Variants in EPB41L2 observed in about 807,000 individuals in gnomAD.
The protein encoded by EPB41L2 is erythrocyte membrane protein band 4.1 like 2.
EPB41L2 carries 43 observed loss-of-function variants against 113.0 expected under a neutral mutation model. The observed-to-expected ratio is 0.38, with a 90% CI of 0.30 to 0.49. EPB41L2 has a LOEUF of 0.49. EPB41L2 is among the 20% of genes least tolerant of loss of function. The pLI is 0.95. For missense variants in EPB41L2, 1,147 were observed against 1,223.4 expected (o/e 0.94, Z 0.93); for synonymous variants, 442 against 436.7 (o/e 1.01, Z -0.15).
chr6:130,858,431 A>C (rs1007197739), intron 18 of EPB41L2, 188 bp from the exon 19 acceptor site: 2 of 487,700 alleles, frequency 4.1e-6, no homozygotes, highest in Non-Finnish European at 7.3e-6. Flanking sequence ...CTCATTTCCT[A>C]AATCTCCCAA....
chr6:130,956,189 T>G lies in EPB41L2; in HGVS notation c.297A>C (p.Lys99Asn). 1 of 1,614,234 alleles carries G rather than the reference T, an allele frequency of 6.2e-7. No homozygotes were observed. Among genetic ancestry groups the G allele is most frequent in the South Asian group, 1.1e-5 (1 of 91,088 alleles). The change falls in exon 2 of 20, where the codon AAA becomes AAC. Residue 99 changes from lysine (K) to asparagine (N), a missense_variant. Lys to Asn is a moderately conservative substitution (Grantham distance 94). Transcript: ENST00000337057. ...TLVVAKDGGDKKEPTQAVVEE... is the reference protein window; with the variant it reads ...TLVVAKDGGDNKEPTQAVVEE... ...CAACAACAGCTTGGGTAGGCTCTTT[T>G]TTATCTCCTCCATCTTTGGCCACTA... is the stretch of plus-strand genomic sequence containing the variant.
intron 3 of EPB41L2, among the ~76,000 whole-genome samples, chr6:130,942,350 G>A (rs974136412): frequency 2.6e-5 from 4 of 152,136 alleles, no homozygotes; most frequent in Non-Finnish European, 2.9e-5. Flanking sequence ...CAAATAATTG[G>A]TAAAATTTCC....
intron 12 of EPB41L2, 39 bp from the exon 13 acceptor site, chr6:130,880,245 T>C (rs904540789): frequency 7.0e-7 from 1 of 1,432,782 alleles, no homozygotes; most frequent in Non-Finnish European, 9.8e-7. Flanking sequence ...AAAAGGCAAA[T>C]AAACATAAGT....
chr6:130,948,247 T>C (rs1313190384), intron 3 of EPB41L2, among the ~76,000 whole-genome samples: 1 of 152,236 alleles, frequency 6.6e-6, no homozygotes, highest in African/African-American at 2.4e-5. Flanking sequence ...AAACTGCTGC[T>C]TTTCGCTTTG....
chr6:131,014,904 C>T (rs555446874), intron 1 of EPB41L2, among the ~76,000 whole-genome samples: 31 of 152,164 alleles, frequency 2.0e-4, no homozygotes, highest in East Asian at 7.7e-4. Flanking sequence ...GGAAGAAATC[C>T]GGAAAGCAAA....
intron 12 of EPB41L2, chr6:130,882,854 T>G (rs79565151): frequency 0.024 from 3,632 of 152,776 alleles, 78 homozygotes; most frequent in Middle Eastern, 0.082. Context: ...GAAGGAGAAG[T>G]AACCAAACTC....
chr6:130,954,036 C>CTTTTTTTTTTTTTTTTTT lies in EPB41L2; in HGVS notation c.705+1068_705+1069insAAAAAAAAAAAAAAAAAA, dbSNP rs1816328530. Among the ~76,000 whole-genome samples, 11 of 45,520 alleles carry CTTTTTTTTTTTTTTTTTT rather than the reference C, an allele frequency of 2.4e-4. 1 individual carries two copies. The highest frequency in any genetic ancestry group is 5.8e-4 in the African/African-American group (10 of 17,176). The allele number at this position is 45,520 out of a possible 152,430, so 29.9% of individuals were successfully genotyped here. On this transcript the variant is annotated intron_variant, in intron 3 of 19. Coordinates refer to ENST00000337057, the MANE Select transcript of EPB41L2 (RefSeq NM_001431.4). Reference sequence around the variant, plus strand: ...TTAATCCTCTTTTGCTAGTCCTTTTCTTTCTTTTTTTTTTTTTTTTTTTTT... The same window carrying CTTTTTTTTTTTTTTTTTT: ...TTAATCCTCTTTTGCTAGTCCTTTTCTTTTTTTTTTTTTTTTTTTTTCTTTTTTTTTTTTTTTTTTTTT...
At chr6:130,888,453 C>T (rs1791749796) in intron 11 of EPB41L2, among the ~76,000 whole-genome samples, 1 of 152,110 alleles carries the variant, frequency 6.6e-6, no homozygotes, top group Non-Finnish European at 1.5e-5. Context: ...CACTAACTGC[C>T]CATACAAGAT....
chr6:130,898,825 T>G (rs1417721982), intron 8 of EPB41L2, among the ~76,000 whole-genome samples: 3 of 152,212 alleles, frequency 2.0e-5, no homozygotes, highest in African/African-American at 7.2e-5. Context: ...TTTAAATAAC[T>G]TTTAAAATTA....
At chr6:130,840,801 G>T (rs1411859672) in intron 19 of EPB41L2, among the ~76,000 whole-genome samples, 2 of 152,206 alleles carry the variant, frequency 1.3e-5, no homozygotes, top group Admixed American at 6.5e-5. Flanking sequence ...AATACCTGGA[G>T]AATTGACAAG....
chr6:130,983,325 T>A (rs936025892), intron 1 of EPB41L2, among the ~76,000 whole-genome samples: 1 of 152,136 alleles, frequency 6.6e-6, no homozygotes. Context: ...CAGTAATGTG[T>A]CAATGAGGAT....
chr6:130,919,241 C>T (rs1031949642), intron 4 of EPB41L2, among the ~76,000 whole-genome samples: 9 of 152,098 alleles, frequency 5.9e-5, no homozygotes, highest in South Asian at 4.1e-4. Flanking sequence ...GAAACTACCA[C>T]GTATAATAAG....
At position 130,853,530 on chromosome 6, in the gene EPB41L2, T is replaced by C. The variant is rs548727133; in HGVS notation, c.*5+4601A>G. ...AGTCCTTGAAAGGACATTAAAAAGT[T>C]ACAAAGATTTAGTGAAGTCCTCATC... On this transcript the variant is annotated intron_variant, in intron 19 of 19. Coordinates refer to ENST00000337057, the MANE Select transcript of EPB41L2 (RefSeq NM_001431.4). Among the ~76,000 whole-genome samples, 23 of 152,338 alleles carry C rather than the reference T, an allele frequency of 1.5e-4. 1 individual carries two copies. Among genetic ancestry groups the C allele is most frequent in the African/African-American group, 5.5e-4 (23 of 41,586 alleles).
At chr6:130,914,991 G>A (rs1800485016) in intron 4 of EPB41L2, among the ~76,000 whole-genome samples, 1 of 152,180 alleles carries the variant, frequency 6.6e-6, no homozygotes, top group Non-Finnish European at 1.5e-5. Flanking sequence ...TTAAAATGTG[G>A]CCTTAGAATA....
chr6:130,888,276 G>C (rs1791684927), intron 11 of EPB41L2, among the ~76,000 whole-genome samples: 1 of 152,082 alleles, frequency 6.6e-6, no homozygotes, highest in Admixed American at 6.5e-5. Flanking sequence ...GGCGTTAAAA[G>C]CCTCCTATTT....
intron 4 of EPB41L2, among the ~76,000 whole-genome samples, chr6:130,919,617 G>A (rs1802253570): frequency 6.6e-6 from 1 of 152,074 alleles, no homozygotes; most frequent in Non-Finnish European, 1.5e-5. Flanking sequence ...TTTCTTTCCT[G>A]TGACCCTGTG....
intron 4 of EPB41L2, among the ~76,000 whole-genome samples, chr6:130,921,380 T>C (rs1802825373): frequency 6.6e-6 from 1 of 152,236 alleles, no homozygotes; most frequent in Non-Finnish European, 1.5e-5. Flanking sequence ...CCCCACAAAG[T>C]CATCCCAAAT....
At chr6:130,902,460 T>C (rs1486607396) in intron 6 of EPB41L2, among the ~76,000 whole-genome samples, 1 of 152,212 alleles carries the variant, frequency 6.6e-6, no homozygotes, top group Non-Finnish European at 1.5e-5. Context: ...ACATGACAAG[T>C]GCTCGGTAAT....
At chr6:130,853,361 A>G (rs545736230) in intron 19 of EPB41L2, among the ~76,000 whole-genome samples, 2 of 152,122 alleles carry the variant, frequency 1.3e-5, no homozygotes, top group African/African-American at 4.8e-5. Flanking sequence ...GACCACACAG[A>G]TCACACCACC....
Sources: gnomAD v4.1 joint callset for allele counts (sites outside exome capture counted in the v4.1 genomes callset) on GRCh38, gnomAD v4.1.1 for gene constraint, MANE v1.5 for transcripts, NCBI Gene and HGNC (gene_info 2026-07-23, HGNC 2026-07-21) for gene names.